Variants in SAMD3 observed in about 807,000 individuals in gnomAD.
SAMD3 encodes sterile alpha motif domain-containing protein 3.
In SAMD3, 63 loss-of-function variants were observed where a neutral mutation model predicts 58.5. The ratio of observed to expected loss-of-function variants is 1.08; its 90% CI spans 0.88 to 1.33. SAMD3 has a LOEUF of 1.33. SAMD3 is among the 40% of genes most tolerant of loss of function. SAMD3 has a pLI of 0.00. For missense variants in SAMD3, 604 were observed against 608.4 expected (o/e 0.99, Z 0.08); for synonymous variants, 220 against 210.3 (o/e 1.05, Z -0.40).
intron 5 of SAMD3, among the ~76,000 whole-genome samples, chr6:130,188,029 AAAGTTAAGAC>A (rs1562417842): frequency 6.6e-6 from 1 of 152,254 alleles, no homozygotes; most frequent in African/African-American, 2.4e-5. Flanking sequence ...AACTTATAAT[AAAGTTAAGAC>A]AACACATTTG....
intron 2 of SAMD3, among the ~76,000 whole-genome samples, chr6:130,258,214 T>G (rs1475359728): frequency 1.3e-5 from 2 of 152,168 alleles, no homozygotes; most frequent in Non-Finnish European, 2.9e-5. Context: ...TTTCGTATTC[T>G]TATTGTTTTA....
intron 1 of SAMD3, among the ~76,000 whole-genome samples, chr6:130,351,024 T>G (rs1039792913): frequency 1.3e-5 from 2 of 152,190 alleles, no homozygotes; most frequent in Non-Finnish European, 2.9e-5. Flanking sequence ...GCTAGCCATA[T>G]GTAGAAAGCT....
intron 2 of SAMD3, among the ~76,000 whole-genome samples, chr6:130,291,830 G>A (rs1346175637): frequency 6.6e-6 from 1 of 152,142 alleles, no homozygotes; most frequent in Admixed American, 6.5e-5. Context: ...CGACATAAGT[G>A]TACATTTAGT....
chr6:130,328,721 C>A (rs181202358), intron 1 of SAMD3, among the ~76,000 whole-genome samples: 2 of 152,166 alleles, frequency 1.3e-5, no homozygotes, highest in African/African-American at 4.8e-5. Flanking sequence ...AATTTCTGAA[C>A]CTTAGAAAAG....
intron 2 of SAMD3, among the ~76,000 whole-genome samples, chr6:130,237,188 A>G (rs1230812237): frequency 6.6e-6 from 1 of 152,216 alleles, no homozygotes; most frequent in African/African-American, 2.4e-5. Flanking sequence ...ATTGTTGAGG[A>G]CTGAAGGTCA....
chr6:130,144,034 T>A (rs1788400309), downstream of SAMD3: 1 of 154,082 alleles, frequency 6.5e-6, no homozygotes. Flanking sequence ...CCAGATCTCC[T>A]GGGGCAAGGC....
At chr6:130,185,975 A>G (rs1032478709) in intron 5 of SAMD3, among the ~76,000 whole-genome samples, 8 of 152,142 alleles carry the variant, frequency 5.3e-5, no homozygotes, top group African/African-American at 1.9e-4. Flanking sequence ...TGTAAATGAA[A>G]TGTCAATAAG....
At chr6:130,358,233 A>G (rs1035232642) in intron 1 of SAMD3, among the ~76,000 whole-genome samples, 3 of 152,176 alleles carry the variant, frequency 2.0e-5, no homozygotes, top group African/African-American at 4.8e-5. Context: ...TTATTCTTTC[A>G]CGTATCTAAA....
chr6:130,274,976 A>T (rs2114941576), intron 2 of SAMD3, among the ~76,000 whole-genome samples: 1 of 152,302 alleles, frequency 6.6e-6, no homozygotes, highest in South Asian at 2.1e-4. Context: ...CTCAAAATAT[A>T]GTCTGCTGAC....
intron 5 of SAMD3, among the ~76,000 whole-genome samples, chr6:130,198,945 G>A (rs1021438030): frequency 3.3e-5 from 5 of 152,252 alleles, no homozygotes; most frequent in African/African-American, 1.2e-4. Context: ...AATCATCCCT[G>A]TTTTCCCAAA....
chr6:130,222,756 A>G lies in SAMD3; in HGVS notation c.-130T>C, dbSNP rs1796272934. 1 of 152,084 alleles carries G rather than the reference A, an allele frequency of 6.6e-6. No homozygotes were observed. Among genetic ancestry groups the G allele is most frequent in the Non-Finnish European group, 1.5e-5 (1 of 68,028 alleles). The allele number at this position is 152,084 out of a possible 1,614,324, so 9.4% of individuals were successfully genotyped here. On this transcript the variant is annotated 5_prime_UTR_variant, in exon 1 of 12. Transcript: ENST00000439090. ...AGAAGAGAAGATCAAAGGAGAGAGC[A>G]CCCCTCCTCCCCAGGCAAATCCGAT...
In SAMD3 at chr6:130,301,930, C is replaced by CATATAAA. The variant is rs1775761843; in HGVS notation, c.-188+11041_-188+11047dup. On this transcript the variant is annotated intron_variant, in intron 2 of 13. Coordinates refer to the SAMD3 transcript ENST00000368134. Reference sequence around the variant, plus strand: ...ATGAAACTGGACCCCCACCTCTCACCATATAAAAAATTAACTCAAGAGGAA... The same window carrying CATATAAA: ...ATGAAACTGGACCCCCACCTCTCACCATATAAAATATAAAAAATTAACTCAAGAGGAA... Among the ~76,000 whole-genome samples the CATATAAA allele has an allele frequency of 2.0e-5, 3 of 152,196 alleles. No individual in the cohort carries two copies. The South Asian group carries it at 6.2e-4, about 32-fold the overall frequency.
chr6:130,154,972 C>T lies in SAMD3; in HGVS notation c.876G>A (p.Gln292=). The T allele has an allele frequency of 6.2e-7, 1 of 1,613,434 alleles. No individual in the cohort carries two copies. The highest frequency in any genetic ancestry group is 8.5e-7 in the Non-Finnish European group (1 of 1,179,692). The change falls in exon 9 of 12, where the codon CAG becomes CAA. Residue 292 remains glutamine, a synonymous_variant. Coordinates refer to ENST00000439090, the MANE Select transcript of SAMD3 (RefSeq NM_001017373.4). ...CCTTTTCTGTTTTCACGTATTCTTG[C>T]TGGAACCACTTAATATGTTCATCTA... is the stretch of plus-strand genomic sequence containing the variant. ...SELDEHIKWF[Q]QEYVKTEKDW...
intron 1 of SAMD3, among the ~76,000 whole-genome samples, chr6:130,218,808 A>G (rs1006817694): frequency 5.9e-5 from 9 of 152,212 alleles, no homozygotes; most frequent in African/African-American, 2.2e-4. Context: ...TCAAAGTAAA[A>G]AAAACCAGAA....
At chr6:130,154,044 C>T (rs1262036059) in intron 9 of SAMD3, among the ~76,000 whole-genome samples, 5 of 151,926 alleles carry the variant, frequency 3.3e-5, no homozygotes, top group Admixed American at 6.6e-5. Context: ...CGTATTTTTA[C>T]TAAGGATGCA....
At chr6:130,241,631 ATT>A (rs1773362741) in intron 2 of SAMD3, among the ~76,000 whole-genome samples, 1 of 152,076 alleles carries the variant, frequency 6.6e-6, no homozygotes, top group Non-Finnish European at 1.5e-5. Context: ...ATAAGAAAAT[ATT>A]CTTTATATTA....
intron 5 of SAMD3, among the ~76,000 whole-genome samples, chr6:130,196,170 C>T (rs113882022): frequency 3.9e-5 from 6 of 152,258 alleles, no homozygotes; most frequent in East Asian, 1.9e-4. Flanking sequence ...ATCATGTCTC[C>T]GTGCAGTGGC....
chr6:130,340,541 A>G (rs190632765), intron 1 of SAMD3, among the ~76,000 whole-genome samples: 1 of 152,374 alleles, frequency 6.6e-6, no homozygotes, highest in East Asian at 1.9e-4. Flanking sequence ...ACAACATGAC[A>G]TAGTCACAGT....
chr6:130,294,909 ATTTTTTTTTTT>A (rs774036634), intron 2 of SAMD3, among the ~76,000 whole-genome samples: 8 of 56,146 alleles, frequency 1.4e-4, no homozygotes, highest in South Asian at 5.7e-4. Flanking sequence ...CATTTCTCTG[ATTTTTTTTTTT>A]TTTTTTTTTT....
Sources: gnomAD v4.1 joint callset for allele counts (sites outside exome capture counted in the v4.1 genomes callset) on GRCh38, gnomAD v4.1.1 for gene constraint, MANE v1.5 for transcripts, NCBI Gene and HGNC (gene_info 2026-07-23, HGNC 2026-07-21) for gene names.